The following FANCB variants were observed in gnomAD, a reference collection of about 807,000 sequenced individuals.
FANCB encodes Fanconi anemia group B protein.
Under a neutral mutation model 38.9 loss-of-function variants are expected in FANCB, and 5 were observed. The observed-to-expected ratio is 0.13, with a 90% confidence interval of 0.07 to 0.27. The LOEUF (loss-of-function observed/expected upper bound fraction) is 0.27, where lower values mean the gene tolerates loss of function less well. Ranked by LOEUF, FANCB falls within the 10% of genes least tolerant of loss-of-function variation. The probability of loss-of-function intolerance (pLI) is 1.00; values close to 1 mark genes in which losing one functional copy is unlikely to be tolerated. For missense variants in FANCB, 573 were observed against 602.7 expected (o/e 0.95, Z 0.52); for synonymous variants, 236 against 215.4 (o/e 1.10, Z -0.84).
chrX:14,838,950 C>T (rs775486397), downstream of FANCB, among the ~76,000 whole-genome samples: 1 of 111,780 alleles, frequency 8.9e-6, no homozygotes, highest in Non-Finnish European at 1.9e-5. Context: ...CCTTCTCTTC[C>T]TACTGGAGAG....
chrX:14,825,530 T>A, the FANCB span, among the ~76,000 whole-genome samples: 1 of 112,501 alleles, frequency 8.9e-6, no homozygotes, highest in Non-Finnish European at 1.9e-5. Context: ...TTCCAAACTT[T>A]CTGATTCTTA....
the FANCB span, among the ~76,000 whole-genome samples, chrX:14,765,740 C>T: frequency 8.9e-6 from 1 of 112,049 alleles, no homozygotes; most frequent in African/African-American, 3.2e-5. Context: ...GTGATGTCTG[C>T]TGTAAACAGA....
downstream of FANCB, among the ~76,000 whole-genome samples, chrX:14,838,718 A>C: frequency 1.8e-5 from 2 of 112,181 alleles, no homozygotes; most frequent in Middle Eastern, 4.6e-3. Context: ...GGTTAGAATG[A>C]AGTTAGAAAG....
the FANCB span, among the ~76,000 whole-genome samples, chrX:14,802,107 C>T: frequency 8.8e-4 from 97 of 110,700 alleles, no homozygotes; most frequent in Non-Finnish European, 1.5e-3. Flanking sequence ...TAATATCATT[C>T]GAGGCAATGT....
chrX:14,842,334 T>C (rs180876459), downstream of FANCB, among the ~76,000 whole-genome samples: 7 of 111,534 alleles, frequency 6.3e-5, no homozygotes, highest in Non-Finnish European at 1.9e-5. Context: ...CATCACAAGA[T>C]CATTAGGTAT....
the FANCB span, among the ~76,000 whole-genome samples, chrX:14,809,821 G>C: frequency 8.9e-6 from 1 of 112,587 alleles, no homozygotes; most frequent in Non-Finnish European, 1.9e-5. Flanking sequence ...CAGCTTTGAA[G>C]AGAGCAGTGG....
At chrX:14,848,760 A>G (rs930199421) in intron 7 of FANCB, among the ~76,000 whole-genome samples, 2 of 111,904 alleles carry the variant, frequency 1.8e-5, no homozygotes, top group Admixed American at 1.9e-4. Flanking sequence ...ATGTTATGTT[A>G]AAGAATTACT....
At chrX:14,860,498 T>C (rs1479671378) in intron 3 of FANCB, among the ~76,000 whole-genome samples, 1 of 112,139 alleles carries the variant, frequency 8.9e-6, no homozygotes, top group East Asian at 2.8e-4. Flanking sequence ...ATATTTGCAA[T>C]CTATAGCTCT....
chrX:14,690,683 G>C, the FANCB span: 1 of 1,004,580 alleles, frequency 1.0e-6, no homozygotes, highest in Non-Finnish European at 1.4e-6. Flanking sequence ...CTCTCTGTGT[G>C]TGTGTGTGTC....
At chrX:14,780,274 C>T in the FANCB span, among the ~76,000 whole-genome samples, 1 of 109,748 alleles carries the variant, frequency 9.1e-6, no homozygotes, top group Non-Finnish European at 1.9e-5. Context: ...ATATTCCCTA[C>T]TATGTGTCAA....
chrX:14,849,811 C>A (rs2092393095), intron 7 of FANCB, among the ~76,000 whole-genome samples: 1 of 111,292 alleles, frequency 9.0e-6, no homozygotes, highest in African/African-American at 3.3e-5. Context: ...ATTATTAACT[C>A]AATGCATTTG....
the FANCB span, among the ~76,000 whole-genome samples, chrX:14,738,634 C>T: frequency 8.9e-6 from 1 of 112,046 alleles, no homozygotes; most frequent in Admixed American, 9.5e-5. Context: ...GAGGATTTGT[C>T]TTTTAAACAT....
the FANCB span, among the ~76,000 whole-genome samples, chrX:14,800,641 T>C: frequency 8.9e-6 from 1 of 111,842 alleles, no homozygotes; most frequent in African/African-American, 3.3e-5. Context: ...CTAGCTGAAG[T>C]TTCCTCTTGT....
At chrX:14,788,956 A>T in the FANCB span, among the ~76,000 whole-genome samples, 2 of 112,251 alleles carry the variant, frequency 1.8e-5, no homozygotes, top group African/African-American at 6.5e-5. Context: ...TCATGTCATT[A>T]AAAAAGAACT....
chrX:14,818,375 TAA>T, the FANCB span, among the ~76,000 whole-genome samples: 7 of 78,927 alleles, frequency 8.9e-5, no homozygotes, highest in Non-Finnish European at 7.5e-5. Context: ...TAGGCCTTAT[TAA>T]AAAAAAAAAA....
chrX:14,737,147 C>G, the FANCB span, among the ~76,000 whole-genome samples: 1 of 111,319 alleles, frequency 9.0e-6, no homozygotes, highest in East Asian at 2.8e-4. Flanking sequence ...CAGAGCAAAA[C>G]TCCAACAACA....
At chrX:14,807,901 A>C in the FANCB span, among the ~76,000 whole-genome samples, 3 of 112,162 alleles carry the variant, frequency 2.7e-5, no homozygotes, top group Non-Finnish European at 5.6e-5. Context: ...ATAGTACAGA[A>C]ATTCAAAGGA....
the FANCB span, among the ~76,000 whole-genome samples, chrX:14,701,805 G>A: frequency 2.7e-5 from 3 of 112,410 alleles, no homozygotes; most frequent in Non-Finnish European, 5.6e-5. Flanking sequence ...TCTTAAGGGA[G>A]TTTTGCTTTA....
the FANCB span, among the ~76,000 whole-genome samples, chrX:14,806,600 G>T: frequency 9.0e-6 from 1 of 111,430 alleles, no homozygotes; most frequent in Admixed American, 9.6e-5. Context: ...GTTAGCCAGG[G>T]TGTTAGATTT....
Sources: gnomAD v4.1 joint callset for allele counts (sites outside exome capture counted in the v4.1 genomes callset) on GRCh38, gnomAD v4.1.1 for gene constraint, MANE v1.5 for transcripts, NCBI Gene and HGNC (gene_info 2026-07-23, HGNC 2026-07-21) for gene names.